The following EMC2 variants were observed in gnomAD, a reference collection of about 807,000 sequenced individuals.
The protein encoded by EMC2 is ER membrane protein complex subunit 2, also known as TPR repeat protein 35.
A neutral mutation model predicts 51.6 loss-of-function variants in EMC2; 37 were observed. The observed-to-expected ratio is 0.72, with a 90% CI of 0.55 to 0.94. EMC2 has a LOEUF of 0.94. Among genes scored for constraint, EMC2 ranks in the 40% least tolerant of loss-of-function variants. The pLI, the probability that EMC2 is intolerant of heterozygous loss-of-function variation, is 0.00. For missense variants in EMC2, 359 were observed against 350.9 expected (o/e 1.02, Z -0.18); for synonymous variants, 131 against 112.4 (o/e 1.17, Z -1.04).
rs869162246 is a variant in EMC2, at chr8:108,456,332, C to CAAAAAAAAAAAAAAAAAA, written c.363+417_363+418insAAAAAAAAAAAAAAAAAA. Among the ~76,000 whole-genome samples the CAAAAAAAAAAAAAAAAAA allele has an allele frequency of 2.5e-4, 6 of 23,608 alleles. 1 individual carries two copies. The highest frequency in any genetic ancestry group is 3.8e-4 in the African/African-American group (2 of 5,296). 15.5% of individuals were successfully genotyped at this position (23,608 alleles called of 152,430 possible). A position where few individuals can be genotyped will look rare whatever the true frequency, so the allele number is the denominator to read the frequency against. The stretch of plus-strand genomic sequence containing the variant: ...TGGGCGACAGAGCAAGACTTCGTGT[C>CAAAAAAAAAAAAAAAAAA]AAAAAAAAAAAAAAAGAAAAAAAAA... On this transcript the variant is annotated intron_variant, in intron 5 of 10. Coordinates refer to ENST00000220853, the MANE Select transcript of EMC2 (RefSeq NM_014673.5).
At chr8:108,468,248 T>G (rs543470952) in intron 5 of EMC2, among the ~76,000 whole-genome samples, 42 of 152,312 alleles carry the variant, frequency 2.8e-4, no homozygotes, top group African/African-American at 1.0e-3. Context: ...TCTTAATGGC[T>G]TTAGGGTTTG....
At chr8:108,457,370 G>C (rs1404854119) in intron 5 of EMC2, among the ~76,000 whole-genome samples, 2 of 142,736 alleles carry the variant, frequency 1.4e-5, no homozygotes, top group African/African-American at 2.6e-5. Context: ...GTGTGTGTGT[G>C]TGTCTATGTA....
intron 4 of EMC2, 105 bp downstream of exon 4, chr8:108,453,252 C>A (rs1449952318): frequency 4.1e-6 from 2 of 491,126 alleles, no homozygotes; most frequent in South Asian, 9.1e-5. Flanking sequence ...AATACTGTCT[C>A]AATATGGCTT....
chr8:108,486,400 A>T, intron 10 of EMC2, 112 bp from the exon 11 acceptor site: 1 of 1,327,162 alleles, frequency 7.5e-7, no homozygotes, highest in Non-Finnish European at 9.9e-7. Flanking sequence ...TTGATTTCCT[A>T]CTAGTGATAA....
At chr8:108,460,103 A>G (rs1397469650) in intron 5 of EMC2, among the ~76,000 whole-genome samples, 1 of 152,184 alleles carries the variant, frequency 6.6e-6, no homozygotes, top group Admixed American at 6.5e-5. Flanking sequence ...TCTTAGCCAT[A>G]GATTGAAAAA....
At chr8:108,463,987 G>C (rs145887988) in intron 5 of EMC2, 2 of 152,504 alleles carry the variant, frequency 1.3e-5, no homozygotes, top group East Asian at 3.9e-4. Context: ...ACATTTCCCT[G>C]GCCCCCTAAC....
At chr8:108,458,870 T>TGTAAG (rs1819234180) in intron 5 of EMC2, among the ~76,000 whole-genome samples, 2 of 152,236 alleles carry the variant, frequency 1.3e-5, no homozygotes, top group Non-Finnish European at 2.9e-5. Flanking sequence ...ACTTTTCTAT[T>TGTAAG]GCATTGTCAG....
chr8:108,462,352 T>C (rs1370884025), intron 5 of EMC2, among the ~76,000 whole-genome samples: 1 of 152,168 alleles, frequency 6.6e-6, no homozygotes. Context: ...AGGATTGCAT[T>C]GCGTGGATAT....
intron 5 of EMC2, among the ~76,000 whole-genome samples, chr8:108,464,428 C>G (rs1480282030): frequency 1.3e-5 from 2 of 152,178 alleles, no homozygotes; most frequent in African/African-American, 4.8e-5. Context: ...AGGCCCTGAG[C>G]TACCTCCAGT....
intron 7 of EMC2, 75 bp from the exon 8 acceptor site, chr8:108,475,807 A>T: frequency 1.3e-6 from 1 of 782,936 alleles, no homozygotes; most frequent in Non-Finnish European, 2.1e-6. Flanking sequence ...AGTTGTTTTT[A>T]AATTATTTCA....
intron 9 of EMC2, among the ~76,000 whole-genome samples, chr8:108,478,236 C>T (rs1451541968): frequency 6.6e-6 from 1 of 151,948 alleles, no homozygotes; most frequent in Admixed American, 6.6e-5. Context: ...GAATAGGAAT[C>T]AAGTTATATC....
intron 10 of EMC2, among the ~76,000 whole-genome samples, chr8:108,481,523 T>C (rs1406760389): frequency 6.6e-6 from 1 of 152,128 alleles, no homozygotes. Context: ...CATAATTGTT[T>C]TTAAGATATG....
rs1811167442 is a variant in EMC2, at chr8:108,487,630, TA to T, written c.*1033del. ...ATTTATGGTATTTGTTTATAATAAA[TA>T]TATTTAAATTTATTTTTACTAAAAA... On this transcript the variant is annotated 3_prime_UTR_variant, in exon 11 of 11. Coordinates refer to ENST00000220853, the MANE Select transcript of EMC2 (RefSeq NM_014673.5). 6.6e-6 allele frequency among the ~76,000 whole-genome samples: 1 copy of T among 151,918 alleles called. No homozygotes were observed. The highest frequency in any genetic ancestry group is 2.4e-5 in the African/African-American group (1 of 41,446).
intron 5 of EMC2, among the ~76,000 whole-genome samples, chr8:108,457,177 T>C (rs933274882): frequency 2.6e-5 from 4 of 152,334 alleles, no homozygotes; most frequent in African/African-American, 4.8e-5. Flanking sequence ...ATGATACTTA[T>C]GTATTATAGT....
chr8:108,485,614 AC>A (rs1389792563), intron 10 of EMC2, among the ~76,000 whole-genome samples: 2 of 147,218 alleles, frequency 1.4e-5, no homozygotes, highest in Non-Finnish European at 3.0e-5. Context: ...AGGAACACTT[AC>A]TTATCTAGTA....
chr8:108,471,808 G>A (rs1810862092), intron 7 of EMC2, among the ~76,000 whole-genome samples: 1 of 151,768 alleles, frequency 6.6e-6, no homozygotes, highest in African/African-American at 2.4e-5. Flanking sequence ...AAGTAAAATT[G>A]CTTGATTAAA....
chr8:108,459,721 A>AGAGAGTGTGTGTGT (rs763020311), intron 5 of EMC2, among the ~76,000 whole-genome samples: 1 of 136,878 alleles, frequency 7.3e-6, no homozygotes, highest in African/African-American at 3.0e-5. Context: ...AGAGAGAGAG[A>AGAGAGTGTGTGTGT]GTGTGTGTGT....
chr8:108,484,394 T>A (rs1811099011), intron 10 of EMC2, among the ~76,000 whole-genome samples: 2 of 152,078 alleles, frequency 1.3e-5, no homozygotes, highest in African/African-American at 4.8e-5. Flanking sequence ...TTATTTGTTC[T>A]GACACAAGTA....
intron 10 of EMC2, among the ~76,000 whole-genome samples, chr8:108,483,394 A>G (rs1227784035): frequency 6.6e-6 from 1 of 152,088 alleles, no homozygotes; most frequent in African/African-American, 2.4e-5. Flanking sequence ...AGTCAACCTC[A>G]TCCCCCACTG....
Sources: allele counts gnomAD v4.1 joint callset (sites outside exome capture counted in the v4.1 genomes callset), GRCh38; gene constraint gnomAD v4.1.1; transcripts MANE v1.5; gene names NCBI Gene and HGNC (gene_info 2026-07-23, HGNC 2026-07-21).